Variants in ADAMTS9 observed in about 807,000 individuals in gnomAD.
ADAMTS9 encodes ADAM metallopeptidase with thrombospondin type 1 motif 9, also known as A disintegrin and metalloproteinase with thrombospondin motifs 9.
ADAMTS9 carries 107 observed loss-of-function variants against 257.1 expected under a neutral mutation model. That is an observed-to-expected ratio of 0.42 (90% CI 0.36 to 0.49). The LOEUF is 0.49. Among genes scored for constraint, ADAMTS9 ranks in the 20% least tolerant of loss-of-function variants. ADAMTS9 has a pLI of 0.03. For synonymous variants in ADAMTS9, 982 were observed against 880.9 expected (o/e 1.11, Z -2.03); for missense variants, 2,353 against 2,469.1 (o/e 0.95, Z 1.00).
intron 22 of ADAMTS9, among the ~76,000 whole-genome samples, chr3:64,608,453 T>C (rs2084603706): frequency 6.6e-6 from 1 of 151,902 alleles, no homozygotes; most frequent in African/African-American, 2.4e-5. Flanking sequence ...AATTACTGAA[T>C]ATCAGAAATG....
At chr3:64,530,245 C>T (rs2082960448) in intron 38 of ADAMTS9, among the ~76,000 whole-genome samples, 2 of 151,928 alleles carry the variant, frequency 1.3e-5, no homozygotes, top group African/African-American at 4.8e-5. Context: ...AATTTAGTCC[C>T]ACCTCACATG....
intron 27 of ADAMTS9, among the ~76,000 whole-genome samples, chr3:64,596,234 T>G (rs1475226962): frequency 1.3e-5 from 2 of 152,200 alleles, no homozygotes; most frequent in African/African-American, 4.8e-5. Flanking sequence ...GAGCCAGAGC[T>G]GAGAACAGGA....
At chr3:64,571,403 A>T (rs1332675363) in intron 28 of ADAMTS9, among the ~76,000 whole-genome samples, 1 of 152,230 alleles carries the variant, frequency 6.6e-6, no homozygotes, top group Non-Finnish European at 1.5e-5. Context: ...GGAAACAATA[A>T]CAGCACAGTG....
intron 28 of ADAMTS9, chr3:64,589,160 A>G (rs1460317694): frequency 6.6e-6 from 1 of 152,198 alleles, no homozygotes. Flanking sequence ...CTGTAAAATG[A>G]AAGAGAGGAA....
At chr3:64,678,876 C>T (rs1701687838) in intron 3 of ADAMTS9, among the ~76,000 whole-genome samples, 1 of 152,140 alleles carries the variant, frequency 6.6e-6, no homozygotes, top group African/African-American at 2.4e-5. Flanking sequence ...AGTGGCACAG[C>T]CCAGCAGCAA....
intron 23 of ADAMTS9, among the ~76,000 whole-genome samples, chr3:64,606,100 C>A (rs1339949177): frequency 6.6e-6 from 1 of 152,204 alleles, no homozygotes; most frequent in Non-Finnish European, 1.5e-5. Flanking sequence ...GAACTTGACT[C>A]ACTGACCAGT....
Position 64,603,962 on chromosome 3 carries a change from A to G in ADAMTS9, c.3707T>C (p.Val1236Ala). The part of the protein sequence containing the change: ...PRPVAKEECS[V>A]TPCGQWKALD... The stretch of plus-strand genomic sequence containing the variant: ...GGCCTTCCATTGCCCACAGGGTGTC[A>G]CAGAACATTCTTCCTTTGCCACTGG... The change falls in exon 25 of 40, where the codon GTG becomes GCG. Residue 1236 changes from valine to alanine, a missense_variant. Transcript: ENST00000498707. 1 of 1,613,878 alleles carries G rather than the reference A, an allele frequency of 6.2e-7. No homozygotes were observed. The highest frequency in any genetic ancestry group is 8.5e-7 in the Non-Finnish European group (1 of 1,179,946).
chr3:64,596,248 G>A (rs552989460), intron 27 of ADAMTS9, among the ~76,000 whole-genome samples: 5 of 152,216 alleles, frequency 3.3e-5, no homozygotes, highest in South Asian at 2.1e-4. Flanking sequence ...AACAGGACAC[G>A]GTTTTCTCAG....
At chr3:64,653,723 T>C (rs757519677) in intron 8 of ADAMTS9, among the ~76,000 whole-genome samples, 54 of 152,286 alleles carry the variant, frequency 3.5e-4, no homozygotes, top group Non-Finnish European at 6.3e-4. Context: ...TTCTAGTCAA[T>C]TTGCAGTGTT....
At chr3:64,528,478 C>T (rs561397027) in intron 38 of ADAMTS9, among the ~76,000 whole-genome samples, 17 of 152,280 alleles carry the variant, frequency 1.1e-4, no homozygotes, top group South Asian at 2.1e-4. Flanking sequence ...AGAAACTTTA[C>T]GACCCCTAGC....
intron 28 of ADAMTS9, among the ~76,000 whole-genome samples, chr3:64,571,785 T>G (rs189545816): frequency 6.6e-6 from 1 of 152,320 alleles, no homozygotes; most frequent in Admixed American, 6.5e-5. Context: ...TGTTCAAATC[T>G]AACAGGTTTA....
At chr3:64,593,649 C>T (rs891508909) in intron 28 of ADAMTS9, among the ~76,000 whole-genome samples, 6 of 152,302 alleles carry the variant, frequency 3.9e-5, no homozygotes, top group African/African-American at 7.2e-5. Flanking sequence ...TGGTCCCAAA[C>T]GGGCTTCCTA....
chr3:64,541,264 A>C (rs372981977), intron 35 of ADAMTS9, 36 bp from the exon 36 acceptor site: 19 of 1,613,950 alleles, frequency 1.2e-5, no homozygotes, highest in Non-Finnish European at 1.6e-5. Flanking sequence ...TAAGGATGGG[A>C]AAGCATTTCC....
At chr3:64,648,801 GA>G (rs1700860437) in intron 10 of ADAMTS9, among the ~76,000 whole-genome samples, 1 of 152,056 alleles carries the variant, frequency 6.6e-6, no homozygotes. Flanking sequence ...CTATAAAAGG[GA>G]GACCCTATAA....
At chr3:64,582,971 T>G (rs1302748226) in intron 28 of ADAMTS9, 1 of 152,240 alleles carries the variant, frequency 6.6e-6, no homozygotes, top group Non-Finnish European at 1.5e-5. Context: ...TATATTCATA[T>G]TCTATCACTG....
At chr3:64,551,683 C>T (rs1396237193) in intron 30 of ADAMTS9, among the ~76,000 whole-genome samples, 1 of 152,156 alleles carries the variant, frequency 6.6e-6, no homozygotes, top group Admixed American at 6.5e-5. Context: ...ACACTTATGG[C>T]CAAATGTTTA....
chr3:64,592,222 AG>A (rs1247492103), intron 28 of ADAMTS9, among the ~76,000 whole-genome samples: 3 of 152,232 alleles, frequency 2.0e-5, no homozygotes, highest in African/African-American at 7.2e-5. Flanking sequence ...TAGACTGTAG[AG>A]GCTTCGCATA....
At chr3:64,608,257 C>CAAAAAA (rs1491173200) in intron 22 of ADAMTS9, among the ~76,000 whole-genome samples, 2 of 71,160 alleles carry the variant, frequency 2.8e-5, no homozygotes, top group African/African-American at 8.8e-5. Context: ...CAAACTAAAA[C>CAAAAAA]CAAAAAAAAA....
At chr3:64,541,255 A>G in intron 35 of ADAMTS9, 27 bp from the exon 36 acceptor site, 1 of 1,614,122 alleles carries the variant, frequency 6.2e-7, no homozygotes, top group African/African-American at 1.3e-5. Flanking sequence ...ATGTTCTGGT[A>G]AGGATGGGAA....
Sources: allele counts gnomAD v4.1 joint callset (sites outside exome capture counted in the v4.1 genomes callset), GRCh38; gene constraint gnomAD v4.1.1; transcripts MANE v1.5; gene names NCBI Gene and HGNC (gene_info 2026-07-23, HGNC 2026-07-21).